The following AUTS2 variants were observed in gnomAD, a reference collection of about 807,000 sequenced individuals.
AUTS2 encodes activator of transcription and developmental regulator AUTS2.
AUTS2 carries 17 observed loss-of-function variants against 112.4 expected under a neutral mutation model. The ratio of observed to expected loss-of-function variants is 0.15; its 90% CI spans 0.10 to 0.23. The LOEUF (loss-of-function observed/expected upper bound fraction) is 0.23, where lower values mean the gene tolerates loss of function less well. Among genes scored for constraint, AUTS2 ranks in the 10% least tolerant of loss-of-function variants. The probability of loss-of-function intolerance (pLI) is 1.00; values close to 1 mark genes in which losing one functional copy is unlikely to be tolerated. For missense variants in AUTS2, 1,510 were observed against 1,701.6 expected (o/e 0.89, Z 1.98); for synonymous variants, 751 against 702.7 (o/e 1.07, Z -1.09).
At chr7:69,862,313 C>T (rs1019501407) in intron 1 of AUTS2, among the ~76,000 whole-genome samples, 4 of 152,014 alleles carry the variant, frequency 2.6e-5, no homozygotes, top group Non-Finnish European at 5.9e-5. Flanking sequence ...ATAGATGTTA[C>T]AACAGGTACC....
intron 5 of AUTS2, among the ~76,000 whole-genome samples, chr7:70,594,018 C>T (rs928181810): frequency 1.3e-5 from 2 of 152,190 alleles, no homozygotes; most frequent in Admixed American, 6.5e-5. Context: ...CCAGGCAGCC[C>T]TCAGTGTTGT....
intron 6 of AUTS2, among the ~76,000 whole-genome samples, chr7:70,708,186 T>C (rs927460878): frequency 2.0e-5 from 3 of 152,222 alleles, no homozygotes; most frequent in Non-Finnish European, 2.9e-5. Context: ...TTAGCCAAGA[T>C]TACATCATTT....
chr7:70,084,883 A>T (rs1476136672), intron 2 of AUTS2, among the ~76,000 whole-genome samples: 1 of 151,890 alleles, frequency 6.6e-6, no homozygotes, highest in East Asian at 1.9e-4. Flanking sequence ...ATTTTTATTT[A>T]ATTTTTAGAG....
At chr7:69,871,643 A>G (rs1384591770) in intron 1 of AUTS2, among the ~76,000 whole-genome samples, 1 of 152,000 alleles carries the variant, frequency 6.6e-6, no homozygotes, top group African/African-American at 2.4e-5. Context: ...CCTTTTTGTG[A>G]TCTGTTGATC....
intron 4 of AUTS2, among the ~76,000 whole-genome samples, chr7:70,134,877 A>G (rs570345379): frequency 1.3e-5 from 2 of 152,116 alleles, no homozygotes; most frequent in South Asian, 4.1e-4. Context: ...TTTCTCCACA[A>G]TTACTTTTTT....
chr7:70,450,128 C>G (rs1348456325), intron 5 of AUTS2, among the ~76,000 whole-genome samples: 2 of 152,208 alleles, frequency 1.3e-5, no homozygotes, highest in African/African-American at 2.4e-5. Flanking sequence ...CTCATAGCTT[C>G]TTTCACTCAT....
intron 5 of AUTS2, among the ~76,000 whole-genome samples, chr7:70,485,745 AC>A (rs1797968519): frequency 6.6e-6 from 1 of 151,934 alleles, no homozygotes; most frequent in South Asian, 2.1e-4. Context: ...CCATTAGGGG[AC>A]CCCGTGTGTT....
chr7:70,227,131 G>A (rs1162347000), intron 4 of AUTS2, among the ~76,000 whole-genome samples: 2 of 152,014 alleles, frequency 1.3e-5, no homozygotes, highest in African/African-American at 4.8e-5. Flanking sequence ...GAAGACCCGG[G>A]TAATACATTT....
intron 6 of AUTS2, among the ~76,000 whole-genome samples, chr7:70,749,801 A>G (rs1188978263): frequency 6.6e-6 from 1 of 152,228 alleles, no homozygotes; most frequent in Non-Finnish European, 1.5e-5. Flanking sequence ...GCCAAAGGAT[A>G]GTAGATATTA....
At chr7:70,215,523 C>T (rs1319162160) in intron 4 of AUTS2, among the ~76,000 whole-genome samples, 1 of 152,126 alleles carries the variant, frequency 6.6e-6, no homozygotes, top group Non-Finnish European at 1.5e-5. Flanking sequence ...AAATATTACT[C>T]TCCGGAGAAT....
At chr7:70,193,220 CTCTG>C in intron 4 of AUTS2, among the ~76,000 whole-genome samples, 1 of 152,320 alleles carries the variant, frequency 6.6e-6, no homozygotes, top group African/African-American at 2.4e-5. Context: ...ACCTACACAA[CTCTG>C]AGCCTTTCTT....
intron 4 of AUTS2, among the ~76,000 whole-genome samples, chr7:70,215,629 C>T (rs1039351792): frequency 2.0e-5 from 3 of 152,148 alleles, no homozygotes; most frequent in African/African-American, 7.2e-5. Context: ...TAGTGAATTA[C>T]TCAGAGCTCT....
chr7:70,075,531 T>C (rs1802985127), intron 2 of AUTS2, among the ~76,000 whole-genome samples: 1 of 152,206 alleles, frequency 6.6e-6, no homozygotes. Context: ...CTAAAAGGCA[T>C]TATCTATTCA....
intron 2 of AUTS2, among the ~76,000 whole-genome samples, chr7:70,008,257 C>A (rs1799636698): frequency 6.6e-6 from 1 of 151,552 alleles, no homozygotes; most frequent in Non-Finnish European, 1.5e-5. Context: ...CTATGTTTTC[C>A]TTTATTTTAT....
In AUTS2 at chr7:70,645,601, A is replaced by ATT. The variant is rs1306450645; in HGVS notation, c.691-52968_691-52967insTT. On this transcript the variant is annotated intron_variant, in intron 5 of 18. Coordinates refer to ENST00000342771, the MANE Select transcript of AUTS2 (RefSeq NM_015570.4). ...TCTGGGCAGACCATGGGGCCTGCTC[A>ATT]CGAAGGCAAGAGATGTATCTTGCCT... 5.3e-5 allele frequency among the ~76,000 whole-genome samples: 8 copies of ATT among 152,274 alleles called. No individual in the cohort carries two copies. In the East Asian group the frequency reaches 1.6e-3, roughly 30 times the overall value.
At chr7:69,752,424 G>A (rs1787776914) in intron 1 of AUTS2, among the ~76,000 whole-genome samples, 1 of 152,164 alleles carries the variant, frequency 6.6e-6, no homozygotes, top group Non-Finnish European at 1.5e-5. Flanking sequence ...TTTATACTAA[G>A]CACTAATCAA....
chr7:70,583,847 G>A (rs1030908759), intron 5 of AUTS2, among the ~76,000 whole-genome samples: 1 of 152,164 alleles, frequency 6.6e-6, no homozygotes, highest in African/African-American at 2.4e-5. Context: ...GCTACCAAGT[G>A]GACAATTATG....
intron 6 of AUTS2, among the ~76,000 whole-genome samples, chr7:70,707,567 C>T (rs1424925229): frequency 6.6e-6 from 1 of 152,104 alleles, no homozygotes. Flanking sequence ...AAGACACTGG[C>T]AGGAACCCTC....
intron 1 of AUTS2, among the ~76,000 whole-genome samples, chr7:69,834,089 C>T (rs1791616371): frequency 6.6e-6 from 1 of 152,104 alleles, no homozygotes; most frequent in African/African-American, 2.4e-5. Flanking sequence ...AAGTCCTTTA[C>T]ACTTGCTTTA....
Sources: allele counts gnomAD v4.1 joint callset (sites outside exome capture counted in the v4.1 genomes callset), GRCh38; gene constraint gnomAD v4.1.1; transcripts MANE v1.5; gene names NCBI Gene and HGNC (gene_info 2026-07-23, HGNC 2026-07-21).